ARSJ: variants seen among roughly 807,000 people sequenced by gnomAD.
ARSJ encodes arylsulfatase family member J.
Under a neutral mutation model 35.9 loss-of-function variants are expected in ARSJ, and 26 were observed. The observed-to-expected ratio is 0.72, with a 90% confidence interval of 0.53 to 1.00. ARSJ has a LOEUF of 1.00. Among genes scored for constraint, ARSJ ranks in the 50% least tolerant of loss-of-function variants. The pLI, the probability that ARSJ is intolerant of heterozygous loss-of-function variation, is 0.00. For missense variants in ARSJ, 667 were observed against 723.6 expected (o/e 0.92, Z 0.90); for synonymous variants, 294 against 267.6 (o/e 1.10, Z -0.96).
At chr4:113,925,987 C>T (rs1724034401) in intron 1 of ARSJ, among the ~76,000 whole-genome samples, 1 of 152,090 alleles carries the variant, frequency 6.6e-6, no homozygotes, top group South Asian at 2.1e-4. Flanking sequence ...AACCTCCATC[C>T]CTGCCACCAT....
chr4:113,914,193 C>G (rs1275990974), intron 1 of ARSJ, among the ~76,000 whole-genome samples: 3 of 151,998 alleles, frequency 2.0e-5, no homozygotes, highest in South Asian at 2.1e-4. Context: ...AGGCTGGTCT[C>G]GAACTCCTGA....
chr4:113,910,749 T>C (rs888413551), intron 1 of ARSJ, among the ~76,000 whole-genome samples: 1 of 152,092 alleles, frequency 6.6e-6, no homozygotes, highest in African/African-American at 2.4e-5. Flanking sequence ...TAATTGCTTG[T>C]TTAACACTCC....
At chr4:113,903,812 A>G (rs2099667889) in intron 1 of ARSJ, 137 bp from the exon 2 acceptor site, 7 of 1,224,064 alleles carry the variant, frequency 5.7e-6, no homozygotes, top group African/African-American at 1.5e-5. Context: ...TAAATGACCA[A>G]TTCAGCATTT....
At chr4:113,969,660 A>G (rs912689203) in intron 1 of ARSJ, among the ~76,000 whole-genome samples, 16 of 152,236 alleles carry the variant, frequency 1.1e-4, no homozygotes, top group African/African-American at 3.9e-4. Flanking sequence ...AATATCAAAA[A>G]ATGTATTCAA....
intron 1 of ARSJ, among the ~76,000 whole-genome samples, chr4:113,960,322 T>G (rs1484604471): frequency 6.6e-6 from 1 of 152,076 alleles, no homozygotes; most frequent in Non-Finnish European, 1.5e-5. Flanking sequence ...ACTGGGCTAT[T>G]GAATTTGATG....
At chr4:113,944,307 T>C (rs1725341322) in intron 1 of ARSJ, 1 of 152,012 alleles carries the variant, frequency 6.6e-6, no homozygotes, top group Non-Finnish European at 1.5e-5. Context: ...TTTAAACAAC[T>C]CAGCCAATGA....
chr4:113,903,808 A>G, intron 1 of ARSJ, 133 bp from the exon 2 acceptor site: 2 of 1,241,858 alleles, frequency 1.6e-6, no homozygotes, highest in South Asian at 3.3e-5. Flanking sequence ...ATGATAAATG[A>G]CCAATTCAGC....
intron 1 of ARSJ, among the ~76,000 whole-genome samples, chr4:113,925,362 G>A (rs1042861794): frequency 1.3e-5 from 2 of 152,032 alleles, no homozygotes; most frequent in African/African-American, 4.8e-5. Flanking sequence ...GATGGCGAAT[G>A]GTACCTATTC....
intron 1 of ARSJ, among the ~76,000 whole-genome samples, chr4:113,940,801 GAT>G (rs1402642907): frequency 4.0e-5 from 6 of 151,878 alleles, no homozygotes; most frequent in Non-Finnish European, 2.9e-5. Flanking sequence ...TTTAAAATAA[GAT>G]AATTTTTTTT....
intron 1 of ARSJ, among the ~76,000 whole-genome samples, chr4:113,975,129 C>G (rs1727512154): frequency 6.6e-6 from 1 of 152,042 alleles, no homozygotes; most frequent in Non-Finnish European, 1.5e-5. Context: ...GTATGAGAAA[C>G]TGGGAGAGTG....
intron 1 of ARSJ, chr4:113,970,798 C>G (rs148444346): frequency 3.9e-5 from 6 of 151,944 alleles, no homozygotes; most frequent in African/African-American, 1.4e-4. Context: ...CTACAAAAAA[C>G]GCAAAAATTA....
Position 113,978,810 on chromosome 4 carries a change from G to T in ARSJ, c.25C>A (p.His9Asn). The T allele has an allele frequency of 6.2e-7, 1 of 1,609,176 alleles. No individual in the cohort carries two copies. Among genetic ancestry groups the T allele is most frequent in the Non-Finnish European group, 8.5e-7 (1 of 1,177,704 alleles). ...GCCTGTGGAGAAGGCGGAGGCGGATGCCCCGCACAGCCCCTGGGAGCCATT... is the reference window on the plus strand; with the variant it reads ...GCCTGTGGAGAAGGCGGAGGCGGATTCCCCGCACAGCCCCTGGGAGCCATT... MAPRGCAG[H>N]PPPPSPQACV... is the part of the protein sequence containing the mutation. The change falls in exon 1 of 2, where the codon CAT becomes AAT. Residue 9 changes from histidine to asparagine, a missense_variant. Coordinates refer to ENST00000315366, the MANE Select transcript of ARSJ (RefSeq NM_024590.4).
At chr4:113,923,964 C>T (rs2149260126) in intron 1 of ARSJ, among the ~76,000 whole-genome samples, 1 of 147,900 alleles carries the variant, frequency 6.8e-6, no homozygotes, top group South Asian at 2.1e-4. Flanking sequence ...CTTCTCTGTG[C>T]TTTAGTTTTC....
Position 113,903,584 on chromosome 4 carries a change from G to A in ARSJ, c.490C>T (p.Leu164=), listed in dbSNP as rs768019536. The A allele has an allele frequency of 6.2e-7, 1 of 1,614,176 alleles. No homozygotes were observed. Among genetic ancestry groups the A allele is most frequent in the South Asian group, 1.1e-5 (1 of 91,082 alleles). ...PLDNATLPQK[L]KEVGYSTHMV... is the part of the protein sequence containing the mutation. Reference sequence around the variant, plus strand: ...TGCGTTGAATATCCAACCTCCTTCAGTTTCTGAGGTAGGGTGGCATTGTCC... The same window carrying A: ...TGCGTTGAATATCCAACCTCCTTCAATTTCTGAGGTAGGGTGGCATTGTCC... Residue 164 remains leucine, a synonymous_variant, in exon 2 of 2, where the codon CTG becomes TTG. Transcript: ENST00000315366.
At chr4:113,949,909 C>T (rs1725751189) in intron 1 of ARSJ, among the ~76,000 whole-genome samples, 1 of 152,060 alleles carries the variant, frequency 6.6e-6, no homozygotes, top group African/African-American at 2.4e-5. Context: ...TGCTATGGCA[C>T]ACAGTTTGTC....
chr4:113,944,211 T>C (rs1327972826), intron 1 of ARSJ: 1 of 152,060 alleles, frequency 6.6e-6, no homozygotes, highest in East Asian at 1.9e-4. Flanking sequence ...TATATGTGTG[T>C]GTTTATTTAT....
intron 1 of ARSJ, among the ~76,000 whole-genome samples, chr4:113,914,071 T>TCAAGTGATTTTCCTGCCTC (rs1365764895): frequency 6.6e-6 from 1 of 152,086 alleles, no homozygotes; most frequent in Non-Finnish European, 1.5e-5. Context: ...CCTCCTGGGT[T>TCAAGTGATTTTCCTGCCTC]CAAGTGATTT....
intron 1 of ARSJ, among the ~76,000 whole-genome samples, chr4:113,953,201 C>T (rs1049104696): frequency 1.3e-5 from 2 of 152,022 alleles, no homozygotes; most frequent in African/African-American, 4.8e-5. Context: ...ATACCGTATT[C>T]TGATTCAATA....
At chr4:113,960,536 G>A (rs567396345) in intron 1 of ARSJ, among the ~76,000 whole-genome samples, 1 of 151,954 alleles carries the variant, frequency 6.6e-6, no homozygotes, top group Admixed American at 6.6e-5. Flanking sequence ...ATTGATTCTG[G>A]TGTATTCATC....
Sources: gnomAD v4.1 joint callset for allele counts (sites outside exome capture counted in the v4.1 genomes callset) on GRCh38, gnomAD v4.1.1 for gene constraint, MANE v1.5 for transcripts, NCBI Gene and HGNC (gene_info 2026-07-23, HGNC 2026-07-21) for gene names.